Variants in VPS33A observed in about 807,000 individuals in gnomAD.
The protein encoded by VPS33A is vacuolar protein sorting-associated protein 33A.
A neutral mutation model predicts 71.8 loss-of-function variants in VPS33A; 32 were observed. The ratio of observed to expected loss-of-function variants is 0.45; its 90% CI spans 0.34 to 0.60. The LOEUF is 0.60. Ranked by LOEUF, VPS33A falls within the 20% of genes least tolerant of loss-of-function variation. The probability of loss-of-function intolerance (pLI) is 0.02; values close to 1 mark genes in which losing one functional copy is unlikely to be tolerated. For missense variants in VPS33A, 625 were observed against 748.5 expected (o/e 0.84, Z 1.92); for synonymous variants, 311 against 292.7 (o/e 1.06, Z -0.64).
rs1855493725 is a variant in VPS33A, at chr12:122,264,138, A to C, written c.164T>G (p.Leu55Trp). The change falls in exon 2 of 13, where the codon TTG becomes TGG. Residue 55 changes from leucine (L) to tryptophan (W), a missense_variant. Transcript: ENST00000267199. The part of the protein sequence containing the change: ...PFGLIAQYSL[L>W]KEHEVEKMFT... ...AAACCCAAATAGCTCATTTACCTTC[A>C]ATAGTGAATACTGTGCAATCAGGCC... 6.5e-7 allele frequency: 1 copy of C among 1,543,294 alleles called. No homozygotes were observed. Among genetic ancestry groups the C allele is most frequent in the Admixed American group, 1.7e-5 (1 of 57,364 alleles).
Position 122,239,507 on chromosome 12 carries a change from G to A in VPS33A, c.1164+371C>T, listed in dbSNP as rs551216790. ...TCCCAACAGTTTGGGAGGCCAAGGT[G>A]GGCGGATCACAAGGTCGGAGATCGA... is the stretch of plus-strand genomic sequence containing the variant. On this transcript the variant is annotated intron_variant, in intron 9 of 12. Transcript: ENST00000267199. Among the ~76,000 whole-genome samples, 192 of 152,242 alleles carry A rather than the reference G, an allele frequency of 1.3e-3. 1 individual carries two copies. The highest frequency in any genetic ancestry group is 4.5e-3 in the African/African-American group (186 of 41,542).
At chr12:122,246,209 T>G (rs943133916) in intron 6 of VPS33A, among the ~76,000 whole-genome samples, 1 of 152,328 alleles carries the variant, frequency 6.6e-6, no homozygotes, top group South Asian at 2.1e-4. Context: ...AAAAATCTTA[T>G]GTAGGCTGGG....
At position 122,233,087 on chromosome 12, in the gene VPS33A, C is replaced by T. The variant is rs1954586122; in HGVS notation, c.1441-119G>A. The T allele has an allele frequency of 3.6e-6, 4 of 1,110,566 alleles. No homozygotes were observed. In the African/African-American group the frequency reaches 4.8e-5, roughly 13 times the overall value. 68.8% of individuals were successfully genotyped at this position (1,110,566 alleles called of 1,614,324 possible). On this transcript the variant is annotated intron_variant, in intron 11 of 12. Coordinates refer to ENST00000267199, the MANE Select transcript of VPS33A (RefSeq NM_022916.6). ...GGATTTAAAGATATACAACCCCCAC[C>T]CCTGCCATGCCTTGTTCTAATCCAC...
chr12:122,257,361 A>G (rs1207447796), intron 4 of VPS33A, among the ~76,000 whole-genome samples: 2 of 132,624 alleles, frequency 1.5e-5, no homozygotes, highest in African/African-American at 5.9e-5. Context: ...CAGAAGGCGG[A>G]GGTTGCAGTG....
chr12:122,243,476 C>T (rs1293376659), intron 7 of VPS33A, among the ~76,000 whole-genome samples: 6 of 152,064 alleles, frequency 3.9e-5, no homozygotes, highest in South Asian at 2.1e-4. Context: ...TGGGCTCAAG[C>T]GATCCTCCTG....
chr12:122,245,439 TTC>T lies in VPS33A; in HGVS notation c.776-679_776-678del, dbSNP rs1457196958. 3.3e-5 allele frequency among the ~76,000 whole-genome samples: 5 copies of T among 151,484 alleles called. No individual in the cohort carries two copies. In the South Asian group the frequency reaches 8.4e-4, roughly 25 times the overall value. On this transcript the variant is annotated intron_variant, in intron 6 of 12. Transcript: ENST00000267199. ...GTCTGAGGACCAAACTCTGTTCACGTTCTGTTTTTTTTTTTTTTTTTGAGACG... is the reference window on the plus strand; with the variant it reads ...GTCTGAGGACCAAACTCTGTTCACGTTGTTTTTTTTTTTTTTTTTGAGACG...
intron 4 of VPS33A, among the ~76,000 whole-genome samples, chr12:122,254,677 C>T (rs1040087874): frequency 1.3e-5 from 2 of 152,144 alleles, no homozygotes; most frequent in African/African-American, 2.4e-5. Context: ...TCCCAAAGTG[C>T]TGGCAGGTAG....
At chr12:122,256,295 C>G (rs1369277406) in intron 4 of VPS33A, among the ~76,000 whole-genome samples, 1 of 151,900 alleles carries the variant, frequency 6.6e-6, no homozygotes, top group Non-Finnish European at 1.5e-5. Context: ...AAAAAAAGGC[C>G]AGGCACAGTG....
intron 4 of VPS33A, among the ~76,000 whole-genome samples, chr12:122,252,050 G>A (rs545291458): frequency 1.3e-5 from 2 of 152,126 alleles, no homozygotes; most frequent in East Asian, 3.9e-4. Context: ...TTGAGCTCTT[G>A]AGTTTGAGAC....
intron 8 of VPS33A, among the ~76,000 whole-genome samples, chr12:122,241,582 G>A (rs944399428): frequency 5.9e-5 from 9 of 151,784 alleles, no homozygotes; most frequent in Non-Finnish European, 1.5e-5. Context: ...TGGGATTACA[G>A]ACATGAGCCA....
At chr12:122,242,248 C>A (rs1954724414) in intron 8 of VPS33A, 134 bp downstream of exon 8, 2 of 1,123,172 alleles carry the variant, frequency 1.8e-6, no homozygotes. Flanking sequence ...ACTTCATTAA[C>A]ACTGAGAAGA....
chr12:122,238,800 CACACACAA>C, intron 9 of VPS33A, 76 bp from the exon 10 acceptor site: 1 of 1,186,548 alleles, frequency 8.4e-7, no homozygotes, highest in Non-Finnish European at 1.2e-6. Context: ...CACACACACA[CACACACAA>C]TACATGGTTT....
rs367685395 is a variant in VPS33A, at chr12:122,266,419, C to T, written c.-11G>A. 6.2e-7 allele frequency: 1 copy of T among 1,606,786 alleles called. No individual in the cohort carries two copies. Among genetic ancestry groups the T allele is most frequent in the African/African-American group, 1.3e-5 (1 of 74,774 alleles). On this transcript the variant is annotated 5_prime_UTR_variant, in exon 1 of 13. Coordinates refer to ENST00000267199, the MANE Select transcript of VPS33A (RefSeq NM_022916.6). ...CAGATGAGCCGCCATCTTGCTCCAC[C>T]ACCCCCTGCCCCACAACGCCAACCG...
At chr12:122,232,588 A>G (rs1954577617) in intron 12 of VPS33A, among the ~76,000 whole-genome samples, 161 bp from the exon 13 acceptor site, 1 of 151,382 alleles carries the variant, frequency 6.6e-6, no homozygotes, top group South Asian at 2.1e-4. Flanking sequence ...ATTTTTTTTT[A>G]ACTTCTGAGA....
rs2136118461 is a variant in VPS33A at position 122,231,258 on chromosome 12, G to A, written c.*988C>T. 6.6e-6 allele frequency: 1 copy of A among 152,312 alleles called. No individual in the cohort carries two copies. The highest frequency in any genetic ancestry group is 2.4e-5 in the African/African-American group (1 of 41,554). The allele number at this position is 152,312 out of a possible 1,614,324, so 9.4% of individuals were successfully genotyped here. ...CTCCCCAATTATCACATTCTTCCATGTCAAAAGCCCCTGATAAGTATGGAA... is the reference window on the plus strand; with the variant it reads ...CTCCCCAATTATCACATTCTTCCATATCAAAAGCCCCTGATAAGTATGGAA... On this transcript the variant is annotated 3_prime_UTR_variant, in exon 13 of 13. Coordinates refer to ENST00000267199, the MANE Select transcript of VPS33A (RefSeq NM_022916.6).
At chr12:122,264,245 AT>A in intron 1 of VPS33A, 46 bp from the exon 2 acceptor site, 1 of 1,397,200 alleles carries the variant, frequency 7.2e-7, no homozygotes, top group African/African-American at 1.4e-5. Context: ...AATATCAGGA[AT>A]TTTAACAATA....
chr12:122,254,194 G>A (rs1240354081), intron 4 of VPS33A, among the ~76,000 whole-genome samples: 1 of 152,112 alleles, frequency 6.6e-6, no homozygotes, highest in East Asian at 1.9e-4. Flanking sequence ...CAATGACATA[G>A]ATGGTCACAA....
At chr12:122,260,302 TG>T (rs944800991) in intron 4 of VPS33A, among the ~76,000 whole-genome samples, 1 of 151,914 alleles carries the variant, frequency 6.6e-6, no homozygotes, top group African/African-American at 2.4e-5. Flanking sequence ...TTTTGTTTTT[TG>T]TTTTTTGTTT....
chr12:122,263,731 G>T, intron 2 of VPS33A, 32 bp from the exon 3 acceptor site: 1 of 1,550,904 alleles, frequency 6.4e-7, no homozygotes. Context: ...AGGTTAACAA[G>T]AAGACTGAAA....
Sources: gnomAD v4.1 joint callset for allele counts (sites outside exome capture counted in the v4.1 genomes callset) on GRCh38, gnomAD v4.1.1 for gene constraint, MANE v1.5 for transcripts, NCBI Gene and HGNC (gene_info 2026-07-23, HGNC 2026-07-21) for gene names.